The following FBN2 variants were observed in gnomAD, a reference collection of about 807,000 sequenced individuals.
FBN2 encodes fibrillin-2.
In FBN2, 105 loss-of-function variants were observed where a neutral mutation model predicts 355.6. That is an observed-to-expected ratio of 0.30 (90% CI 0.25 to 0.35). The LOEUF (loss-of-function observed/expected upper bound fraction) is 0.35. Ranked by LOEUF, FBN2 falls within the 10% of genes least tolerant of loss-of-function variation. The pLI is 1.00. For missense variants in FBN2, 3,280 were observed against 3,758.7 expected, an observed-to-expected ratio of 0.87 and a Z score of 3.33; for synonymous variants, 1,350 against 1,301.2, an observed-to-expected ratio of 1.04 and a Z score of -0.81.
At chr5:128,264,996 A>C (rs1439400720) in intron 62 of FBN2, among the ~76,000 whole-genome samples, 1 of 152,220 alleles carries the variant, frequency 6.6e-6, no homozygotes, top group Non-Finnish European at 1.5e-5. Flanking sequence ...AGACCACTAA[A>C]TGTAGGTGTC....
Position 128,263,616 on chromosome 5 carries a change from A to T in FBN2, c.8001T>A (p.Ala2667=). ...ECSNPNACGS[A]SCYNTLGSYK... ...AACTCCCCAGGGTGTTGTAGCAGGA[A>T]GCAGAGCCACAGGCATTGGGATTGG... Residue 2667 remains alanine, a synonymous_variant, in exon 63 of 65, where the codon GCT becomes GCA. Coordinates refer to ENST00000262464, the MANE Select transcript of FBN2 (RefSeq NM_001999.4). 1 of 1,614,152 alleles carries T rather than the reference A, an allele frequency of 6.2e-7. No homozygotes were observed. The highest frequency in any genetic ancestry group is 8.5e-7 in the Non-Finnish European group (1 of 1,180,010).
intron 55 of FBN2, among the ~76,000 whole-genome samples, chr5:128,286,400 G>C (rs1264212233): frequency 6.6e-6 from 1 of 152,096 alleles, no homozygotes; most frequent in East Asian, 1.9e-4. Flanking sequence ...CTATGAATTA[G>C]GGTTTACCTT....
intron 5 of FBN2, among the ~76,000 whole-genome samples, chr5:128,499,263 T>C (rs1157437314): frequency 6.6e-6 from 1 of 152,152 alleles, no homozygotes; most frequent in African/African-American, 2.4e-5. Context: ...TTTTAGGCAC[T>C]ATTCAATGTG....
chr5:128,489,047 C>G (rs1755427587), intron 5 of FBN2, among the ~76,000 whole-genome samples: 1 of 152,034 alleles, frequency 6.6e-6, no homozygotes, highest in Non-Finnish European at 1.5e-5. Flanking sequence ...AATGGTATTT[C>G]TAGTTCTAGA....
intron 18 of FBN2, among the ~76,000 whole-genome samples, chr5:128,363,541 C>A (rs1217946624): frequency 6.6e-6 from 1 of 151,976 alleles, no homozygotes; most frequent in South Asian, 2.1e-4. Flanking sequence ...GAATTGTGTC[C>A]CTTAAAAAAG....
chr5:128,391,483 T>C (rs1389924698), intron 11 of FBN2, among the ~76,000 whole-genome samples: 1 of 152,210 alleles, frequency 6.6e-6, no homozygotes, highest in Non-Finnish European at 1.5e-5. Flanking sequence ...AATGGATTCA[T>C]TGTTGTTATT....
chr5:128,383,918 C>A (rs1235482618), intron 11 of FBN2, among the ~76,000 whole-genome samples: 1 of 151,998 alleles, frequency 6.6e-6, no homozygotes, highest in African/African-American at 2.4e-5. Flanking sequence ...TCTTCTCACA[C>A]AATCCAGCCA....
rs1428332898 is a variant in FBN2 at position 128,258,352 on chromosome 5, A to C, written c.*1103T>G. The C allele has an allele frequency of 6.6e-6, 1 of 152,626 alleles. No homozygotes were observed. The highest frequency in any genetic ancestry group is 2.4e-5 in the African/African-American group (1 of 41,452). The allele number at this position is 152,626 out of a possible 1,614,324, so 9.5% of individuals were successfully genotyped here. A position where few individuals can be genotyped will look rare whatever the true frequency, so the allele number is the denominator to read the frequency against. The stretch of plus-strand genomic sequence containing the variant: ...AAAATGAGGCATATGGTGTATAACT[A>C]CAGTATTAATGAAAATTCTAAAAAA... On this transcript the variant is annotated 3_prime_UTR_variant, in exon 65 of 65. Transcript: ENST00000262464.
chr5:128,411,632 T>C (rs1561443871), intron 7 of FBN2, among the ~76,000 whole-genome samples: 2 of 152,152 alleles, frequency 1.3e-5, no homozygotes, highest in Admixed American at 6.5e-5. Context: ...CCAGTGGAGC[T>C]TGGGGTTTTT....
intron 5 of FBN2, among the ~76,000 whole-genome samples, chr5:128,475,190 T>C (rs1754978383): frequency 6.6e-6 from 1 of 152,162 alleles, no homozygotes; most frequent in African/African-American, 2.4e-5. Context: ...TCCCCCGGTC[T>C]CATCTCAACA....
chr5:128,494,327 G>GA, intron 5 of FBN2, among the ~76,000 whole-genome samples: 1 of 152,268 alleles, frequency 6.6e-6, no homozygotes, highest in South Asian at 2.1e-4. Flanking sequence ...AAGTGCTTTG[G>GA]AAATGGAGAT....
At chr5:128,533,891 C>T (rs145315123) in intron 2 of FBN2, among the ~76,000 whole-genome samples, 2 of 151,718 alleles carry the variant, frequency 1.3e-5, no homozygotes, top group African/African-American at 2.4e-5. Flanking sequence ...AAGTCAATTC[C>T]GTACTTTTGG....
At chr5:128,421,321 C>T (rs900432199) in intron 7 of FBN2, among the ~76,000 whole-genome samples, 2 of 152,032 alleles carry the variant, frequency 1.3e-5, no homozygotes, top group African/African-American at 4.8e-5. Flanking sequence ...GGGTCAGGGA[C>T]AGCAGAGATG....
At chr5:128,440,951 T>A (rs1463441471) in intron 7 of FBN2, among the ~76,000 whole-genome samples, 1 of 152,140 alleles carries the variant, frequency 6.6e-6, no homozygotes, top group African/African-American at 2.4e-5. Context: ...GTGCAGTGCT[T>A]AAATTGGTCA....
chr5:128,316,622 C>T (rs549218065), intron 36 of FBN2, among the ~76,000 whole-genome samples: 1 of 152,346 alleles, frequency 6.6e-6, no homozygotes, highest in Non-Finnish European at 1.5e-5. Context: ...CTTCTACCAG[C>T]AGAACAGAAT....
chr5:128,317,644 T>C (rs577715870), intron 36 of FBN2, among the ~76,000 whole-genome samples: 106 of 152,258 alleles, frequency 7.0e-4, no homozygotes, highest in Middle Eastern at 6.8e-3. Flanking sequence ...TTTTTTAAGA[T>C]CAGAGGTGCT....
chr5:128,286,426 A>G (rs202027870), intron 55 of FBN2, among the ~76,000 whole-genome samples: 3 of 152,190 alleles, frequency 2.0e-5, no homozygotes, highest in Non-Finnish European at 4.4e-5. Flanking sequence ...ATGTTTTTCT[A>G]TATATTTACT....
chr5:128,482,318 G>T, intron 5 of FBN2, among the ~76,000 whole-genome samples: 1 of 151,826 alleles, frequency 6.6e-6, no homozygotes, highest in Non-Finnish European at 1.5e-5. Flanking sequence ...GACGATGAAG[G>T]CAGTAAAGGG....
rs548292029 is a variant in FBN2 at position 128,330,329 on chromosome 5, G to A, written c.4345+244C>T. ...TTACAAATGAGTAAGATAAAATGGC[G>A]AGTCATTAACAGTACATGATTGTTA... On this transcript the variant is annotated intron_variant, in intron 33 of 64. Coordinates refer to ENST00000262464, the MANE Select transcript of FBN2 (RefSeq NM_001999.4). 3.3e-5 allele frequency among the ~76,000 whole-genome samples: 5 copies of A among 152,204 alleles called. No individual in the cohort carries two copies. In the East Asian group the frequency reaches 9.6e-4, roughly 29 times the overall value.
Sources: gnomAD v4.1 joint callset for allele counts (sites outside exome capture counted in the v4.1 genomes callset) on GRCh38, gnomAD v4.1.1 for gene constraint, MANE v1.5 for transcripts, NCBI Gene and HGNC (gene_info 2026-07-23, HGNC 2026-07-21) for gene names.